FLT1: variants seen among roughly 807,000 people sequenced by gnomAD.
FLT1 encodes fms related receptor tyrosine kinase 1, also known as vascular endothelial growth factor receptor 1.
Under a neutral mutation model 156.3 loss-of-function variants are expected in FLT1, and 49 were observed. The ratio of observed to expected loss-of-function variants is 0.31; its 90% CI spans 0.25 to 0.40. The LOEUF is 0.40. Among genes scored for constraint, FLT1 ranks in the 10% least tolerant of loss-of-function variants. The pLI, the probability that FLT1 is intolerant of heterozygous loss-of-function variation, is 1.00. For synonymous variants in FLT1, 594 were observed against 583.8 expected (o/e 1.02, Z -0.25); for missense variants, 1,322 against 1,637.2 (o/e 0.81, Z 3.32).
chr13:28,479,309 G>A lies in FLT1; in HGVS notation c.65-11692C>T, dbSNP rs1593841864. Among the ~76,000 whole-genome samples, 3 of 152,136 alleles carry A rather than the reference G, an allele frequency of 2.0e-5. No individual in the cohort carries two copies. The East Asian group carries it at 5.8e-4, about 29-fold the overall frequency. On this transcript the variant is annotated intron_variant, in intron 1 of 29. Transcript: ENST00000282397. Reference sequence around the variant, plus strand: ...ATTGTGTTTTCTATTGTCATAATCAGTTTCCTTCTAAGTTAAACAATTTGA... The same window carrying A: ...ATTGTGTTTTCTATTGTCATAATCAATTTCCTTCTAAGTTAAACAATTTGA...
chr13:28,389,039 T>C, intron 13 of FLT1: 1 of 1,064,756 alleles, frequency 9.4e-7, no homozygotes, highest in Non-Finnish European at 1.1e-6. Context: ...GGATGGACTC[T>C]TATAATTCAC....
At chr13:28,411,754 C>CACCCGATG (rs1876208947) in intron 10 of FLT1, among the ~76,000 whole-genome samples, 1 of 152,062 alleles carries the variant, frequency 6.6e-6, no homozygotes, top group African/African-American at 2.4e-5. Flanking sequence ...GAGTACCCAA[C>CACCCGATG]ACCCGATGGC....
intron 1 of FLT1, among the ~76,000 whole-genome samples, chr13:28,468,892 G>C (rs73158197): frequency 8.6e-4 from 131 of 152,340 alleles, no homozygotes; most frequent in African/African-American, 3.0e-3. Flanking sequence ...AGCAATGTAA[G>C]AACAGCCTAA....
At chr13:28,305,990 G>A (rs1240574144) in intron 29 of FLT1, among the ~76,000 whole-genome samples, 1 of 152,202 alleles carries the variant, frequency 6.6e-6, no homozygotes, top group Non-Finnish European at 1.5e-5. Flanking sequence ...GCCTTCGGGT[G>A]AGACAGGGAC....
Position 28,412,350 on chromosome 13 carries a change from C to CTTTCTTTCTTTTCTTTCTTTCTTTTTT in FLT1, c.1437-6457_1437-6456insAAAAAAGAAAGAAAGAAAAGAAAGAAA, listed in dbSNP as rs71086853. Among the ~76,000 whole-genome samples, 11 of 93,708 alleles carry CTTTCTTTCTTTTCTTTCTTTCTTTTTT rather than the reference C, an allele frequency of 1.2e-4. 1 individual carries two copies. Among genetic ancestry groups the CTTTCTTTCTTTTCTTTCTTTCTTTTTT allele is most frequent in the African/African-American group, 4.2e-4 (11 of 26,400 alleles). 61.5% of individuals were successfully genotyped at this position (93,708 alleles called of 152,430 possible). A position where few individuals can be genotyped will look rare whatever the true frequency, so the allele number is the denominator to read the frequency against. ...CTTTCTTTTCTTTCTTTCTTTCTTT[C>CTTTCTTTCTTTTCTTTCTTTCTTTTTT]TCTTTCTTTCTTTCTTTCTTTCTTT... is the stretch of plus-strand genomic sequence containing the variant. On this transcript the variant is annotated intron_variant, in intron 10 of 29. Transcript: ENST00000282397.
At chr13:28,357,800 C>G (rs1872954540) in intron 14 of FLT1, 115 bp from the exon 15 acceptor site, 1 of 911,926 alleles carries the variant, frequency 1.1e-6, no homozygotes. Context: ...AATCCGAGCT[C>G]TAGTGAACCT....
At chr13:28,462,154 TAA>T (rs913505013) in intron 3 of FLT1, among the ~76,000 whole-genome samples, 2 of 152,204 alleles carry the variant, frequency 1.3e-5, no homozygotes, top group African/African-American at 4.8e-5. Flanking sequence ...CTCAACACCC[TAA>T]GTTTAAGGTC....
intron 1 of FLT1, among the ~76,000 whole-genome samples, chr13:28,494,041 C>T (rs1345737846): frequency 6.6e-6 from 1 of 152,246 alleles, no homozygotes; most frequent in Non-Finnish European, 1.5e-5. Context: ...GCGCACCACG[C>T]CTGCTCCCGG....
In FLT1 at chr13:28,390,088, A is replaced by C. The variant is rs1287927612; in HGVS notation, c.1677T>G (p.Phe559Leu). 4 of 1,614,034 alleles carry C rather than the reference A, an allele frequency of 2.5e-6. No homozygotes were observed. The Admixed American group carries it at 6.7e-5, about 27-fold the overall frequency. Reference protein sequence around the residue: ...SFYITDVPNGFHVNLEKMPTE... With the variant: ...SFYITDVPNGLHVNLEKMPTE... ...TCGGCATTTTTTCCAAGTTAACATGAAACCCATTTGGCACATCTATAAAAT... is the reference window on the plus strand; with the variant it reads ...TCGGCATTTTTTCCAAGTTAACATGCAACCCATTTGGCACATCTATAAAAT... Residue 559 changes from phenylalanine (F) to leucine (L), a missense_variant, in exon 13 of 30, where the codon TTT becomes TTG. Around this residue, in one of 3 missense-constraint regions of FLT1, gnomAD observed 991 missense variants for 1,254.8 expected, o/e 0.79. Coordinates refer to ENST00000282397, the MANE Select transcript of FLT1 (RefSeq NM_002019.4).
chr13:28,361,049 G>T (rs1873095307), intron 14 of FLT1, among the ~76,000 whole-genome samples: 1 of 152,036 alleles, frequency 6.6e-6, no homozygotes, highest in Admixed American at 6.6e-5. Context: ...GGAGGCCGAG[G>T]TGGGTGGATC....
intron 1 of FLT1, among the ~76,000 whole-genome samples, chr13:28,491,825 C>T (rs568080295): frequency 4.2e-4 from 64 of 152,234 alleles, no homozygotes; most frequent in Non-Finnish European, 7.2e-4. Flanking sequence ...CCTATACTAA[C>T]GTCTTCATTT....
intron 15 of FLT1, among the ~76,000 whole-genome samples, chr13:28,348,027 A>G (rs1457710221): frequency 1.3e-5 from 2 of 152,152 alleles, no homozygotes; most frequent in African/African-American, 4.8e-5. Flanking sequence ...CCTATTGGCC[A>G]TAGTCCCCGC....
chr13:28,374,516 CT>C lies in FLT1; in HGVS notation c.2116+10368del, dbSNP rs959594973. 4.8e-4 allele frequency among the ~76,000 whole-genome samples: 71 copies of C among 148,068 alleles called. No individual in the cohort carries two copies. The East Asian group carries it at 5.3e-3, about 11-fold the overall frequency. On this transcript the variant is annotated intron_variant, in intron 14 of 29. Transcript: ENST00000282397. ...TTACAAGTTCTCTCCTATTTCTTTT[CT>C]TTTTTTTTTATTGAGATGGAGTCTC... is the stretch of plus-strand genomic sequence containing the variant.
At chr13:28,374,572 C>T (rs934439203) in intron 14 of FLT1, among the ~76,000 whole-genome samples, 8 of 151,422 alleles carry the variant, frequency 5.3e-5, no homozygotes, top group Admixed American at 1.3e-4. Context: ...AGTACAGTGG[C>T]GCGATCTTGG....
chr13:28,453,972 G>T (rs1879123682), intron 3 of FLT1, among the ~76,000 whole-genome samples: 2 of 152,000 alleles, frequency 1.3e-5, no homozygotes, highest in South Asian at 2.1e-4. Flanking sequence ...CTTCCCAGAG[G>T]GGGGATATTT....
chr13:28,335,480 C>G (rs1457815753), intron 17 of FLT1, among the ~76,000 whole-genome samples: 1 of 152,166 alleles, frequency 6.6e-6, no homozygotes, highest in Non-Finnish European at 1.5e-5. Context: ...TGAAGCTTTG[C>G]TTCTTCCTCA....
At position 28,467,540 on chromosome 13, in the gene FLT1, T is replaced by C; in HGVS notation, c.142A>G (p.Thr48Ala). 1 of 1,609,112 alleles carries C rather than the reference T, an allele frequency of 6.2e-7. No individual in the cohort carries two copies. The highest frequency in any genetic ancestry group is 1.1e-5 in the South Asian group (1 of 90,350). ...ACTTACCTGCATTGGAGATGCAGTG[T>C]CTGGCCTGCTTGCATGATGTGCTGG... ...GTQHIMQAGQ[T>A]LHLQCRGEAA... Residue 48 changes from threonine to alanine, a missense_variant, in exon 2 of 30, where the codon ACA becomes GCA. By Grantham distance (58) the Thr-to-Ala change is moderately conservative. This residue lies in a region of FLT1 where 991 missense variants were observed against 1,254.8 expected (regional missense o/e 0.79). Transcript: ENST00000282397.
intron 26 of FLT1, 24 bp from the exon 27 acceptor site, chr13:28,311,756 T>C: frequency 6.2e-7 from 1 of 1,613,268 alleles, no homozygotes; most frequent in Non-Finnish European, 8.5e-7. Context: ...GGTAGAGCTC[T>C]CGTTGCACCA....
intron 1 of FLT1, among the ~76,000 whole-genome samples, chr13:28,487,079 G>C (rs1213100080): frequency 6.6e-6 from 1 of 152,192 alleles, no homozygotes; most frequent in Non-Finnish European, 1.5e-5. Flanking sequence ...TGAAATTTGA[G>C]GTTCTTAACC....
Sources: allele counts gnomAD v4.1 joint callset (sites outside exome capture counted in the v4.1 genomes callset), GRCh38; gene constraint gnomAD v4.1.1; regional missense constraint gnomAD v4.1.1; transcripts MANE v1.5; gene names NCBI Gene and HGNC (gene_info 2026-07-23, HGNC 2026-07-21).